The following TPD52 variants were observed in gnomAD, a reference collection of about 807,000 sequenced individuals.
TPD52 encodes the protein prostate and colon associated protein.
A neutral mutation model predicts 31.3 loss-of-function variants in TPD52; 17 were observed. The observed-to-expected ratio is 0.54, with a 90% CI of 0.37 to 0.82. TPD52 has a LOEUF of 0.82. TPD52 is among the 40% of genes least tolerant of loss of function. The pLI is 0.00. For synonymous variants in TPD52, 83 were observed against 89.6 expected (o/e 0.93, Z 0.42); for missense variants, 212 against 240.1 (o/e 0.88, Z 0.77).
intron 1 of TPD52, among the ~76,000 whole-genome samples, chr8:80,081,094 T>C (rs192005623): frequency 1.7e-4 from 26 of 152,014 alleles, no homozygotes; most frequent in Non-Finnish European, 2.6e-4. Context: ...ATGATTACTT[T>C]ATCTAATGTG....
At position 80,152,339 on chromosome 8, in the gene TPD52, C is replaced by T. The variant is rs551398080; in HGVS notation, c.19+19086G>A. Among the ~76,000 whole-genome samples, 10 of 152,282 alleles carry T rather than the reference C, an allele frequency of 6.6e-5. No homozygotes were observed. The East Asian group carries it at 1.2e-3, about 18-fold the overall frequency. On this transcript the variant is annotated intron_variant, in intron 1 of 7. Coordinates refer to ENST00000518937, the MANE Select transcript of TPD52 (RefSeq NM_001025253.3). ...AGAATCACATGGGCAGAAGCAAACT[C>T]GAATGGCAGCACCAAAGGAGGTGTG...
chr8:80,050,799 C>T (rs1811300341), intron 4 of TPD52, among the ~76,000 whole-genome samples: 1 of 151,980 alleles, frequency 6.6e-6, no homozygotes, highest in Admixed American at 6.6e-5. Flanking sequence ...ACACTTTCCC[C>T]ACAAATGCAA....
At chr8:80,092,299 G>A (rs951688401) in intron 1 of TPD52, among the ~76,000 whole-genome samples, 1 of 152,066 alleles carries the variant, frequency 6.6e-6, no homozygotes, top group Non-Finnish European at 1.5e-5. Context: ...AACTAACCTC[G>A]TTTTATCCTC....
At chr8:80,104,739 G>A (rs1281211578) in intron 1 of TPD52, among the ~76,000 whole-genome samples, 1 of 150,482 alleles carries the variant, frequency 6.6e-6, no homozygotes, top group Non-Finnish European at 1.5e-5. Context: ...TAGGTTCTCA[G>A]ATTAACCAGG....
At chr8:80,151,703 T>A (rs2131199670) in intron 1 of TPD52, among the ~76,000 whole-genome samples, 1 of 152,328 alleles carries the variant, frequency 6.6e-6, no homozygotes, top group South Asian at 2.1e-4. Flanking sequence ...AGCTTTTTTT[T>A]TCTATTGTTC....
Position 80,171,494 on chromosome 8 carries a change from G to T in TPD52, c.-51C>A. ...TCTGCAGCACCCCCGCCTGCAGCCCGTCCCGGCTCGGATCGCCCGCCGCGC... is the reference window on the plus strand; with the variant it reads ...TCTGCAGCACCCCCGCCTGCAGCCCTTCCCGGCTCGGATCGCCCGCCGCGC... On this transcript the variant is annotated 5_prime_UTR_variant, in exon 1 of 8. Coordinates refer to ENST00000518937, the MANE Select transcript of TPD52 (RefSeq NM_001025253.3). 5 of 1,531,414 alleles carry T rather than the reference G, an allele frequency of 3.3e-6. No homozygotes were observed. In the South Asian group the frequency reaches 6.0e-5, roughly 18 times the overall value. 94.9% of individuals were successfully genotyped at this position (1,531,414 alleles called of 1,614,324 possible). A position where few individuals can be genotyped will look rare whatever the true frequency, so the allele number is the denominator to read the frequency against.
chr8:80,149,878 G>A (rs1237644363), intron 1 of TPD52, among the ~76,000 whole-genome samples: 1 of 152,186 alleles, frequency 6.6e-6, no homozygotes, highest in Non-Finnish European at 1.5e-5. Context: ...AAAATTTGCA[G>A]TAGAAAAGAA....
chr8:80,105,674 C>T (rs1563629941), intron 1 of TPD52, among the ~76,000 whole-genome samples: 1 of 151,354 alleles, frequency 6.6e-6, no homozygotes, highest in East Asian at 1.9e-4. Flanking sequence ...TGGACTTAAG[C>T]AATCCTCCCG....
intron 1 of TPD52, among the ~76,000 whole-genome samples, chr8:80,120,859 C>T (rs1218968563): frequency 6.6e-6 from 1 of 151,964 alleles, no homozygotes; most frequent in East Asian, 1.9e-4. Flanking sequence ...GTGAGCAGAT[C>T]ACCTGAGGCC....
chr8:80,170,014 T>C (rs140209110), intron 1 of TPD52, among the ~76,000 whole-genome samples: 57 of 152,342 alleles, frequency 3.7e-4, no homozygotes, highest in African/African-American at 1.3e-3. Context: ...ATATAAAGCA[T>C]ATTGTATGTA....
At chr8:80,044,139 A>T in intron 6 of TPD52, 28 bp downstream of exon 6, 1 of 1,567,688 alleles carries the variant, frequency 6.4e-7, no homozygotes, top group Non-Finnish European at 8.7e-7. Context: ...GCATAAGACC[A>T]ACTACATTTC....
chr8:80,098,946 G>C (rs1806526830), intron 1 of TPD52, among the ~76,000 whole-genome samples: 1 of 152,134 alleles, frequency 6.6e-6, no homozygotes. Flanking sequence ...AAAACATTAG[G>C]ACTCACTGAA....
intron 2 of TPD52, among the ~76,000 whole-genome samples, chr8:80,060,354 G>A (rs1235517294): frequency 6.6e-6 from 1 of 151,460 alleles, no homozygotes; most frequent in East Asian, 1.9e-4. Context: ...ATCTGAACAA[G>A]TAAAGAGATT....
intron 1 of TPD52, among the ~76,000 whole-genome samples, chr8:80,075,228 C>T (rs1209040871): frequency 1.3e-5 from 2 of 152,108 alleles, no homozygotes; most frequent in Admixed American, 6.5e-5. Context: ...CCGCCTGCCT[C>T]GGCCTCCCAA....
intron 1 of TPD52, among the ~76,000 whole-genome samples, chr8:80,094,040 C>T (rs1221874941): frequency 6.6e-6 from 1 of 152,054 alleles, no homozygotes; most frequent in Non-Finnish European, 1.5e-5. Context: ...GTGAAGGCTC[C>T]TTGTTGACTT....
intron 1 of TPD52, among the ~76,000 whole-genome samples, chr8:80,094,588 GT>G (rs1816589323): frequency 6.7e-6 from 1 of 149,576 alleles, no homozygotes; most frequent in South Asian, 2.1e-4. Context: ...AGCTTCAGAT[GT>G]ATTTCTTCAA....
intron 5 of TPD52, 34 bp downstream of exon 5, chr8:80,050,411 G>A: frequency 1.3e-6 from 2 of 1,593,440 alleles, no homozygotes; most frequent in Non-Finnish European, 1.7e-6. Flanking sequence ...TTATACAACT[G>A]CTGGACTGCA....
intron 1 of TPD52, among the ~76,000 whole-genome samples, chr8:80,135,170 C>T (rs542243811): frequency 1.4e-4 from 21 of 152,322 alleles, no homozygotes; most frequent in South Asian, 1.2e-3. Context: ...TAATTGTAAA[C>T]GTCTCCCTAG....
chr8:80,053,188 G>T, intron 3 of TPD52, 94 bp downstream of exon 3: 1 of 1,354,292 alleles, frequency 7.4e-7, no homozygotes, highest in Non-Finnish European at 9.9e-7. Context: ...AGCTGCTGAA[G>T]CATCCTTATC....
Sources: gnomAD v4.1 joint callset for allele counts (sites outside exome capture counted in the v4.1 genomes callset) on GRCh38, gnomAD v4.1.1 for gene constraint, MANE v1.5 for transcripts, NCBI Gene and HGNC (gene_info 2026-07-23, HGNC 2026-07-21) for gene names.